PLCD3: variants seen among roughly 807,000 people sequenced by gnomAD.
PLCD3 encodes phospholipase C delta 3.
PLCD3 carries 62 observed loss-of-function variants against 82.8 expected under a neutral mutation model. The observed-to-expected ratio is 0.75, with a 90% CI of 0.61 to 0.93. The LOEUF is 0.93. Among genes scored for constraint, PLCD3 ranks in the 40% least tolerant of loss-of-function variants. The pLI is 0.00. For missense variants in PLCD3, 1,023 were observed against 1,103.4 expected (o/e 0.93, Z 1.03); for synonymous variants, 478 against 471.8 (o/e 1.01, Z -0.17).
rs769061426 is a variant in PLCD3, at chr17:45,121,317, C to A, written c.219G>T (p.Lys73Asn). ...CCTTGTGCCACGTGCGCGAGCGGAT[C>A]TTGCGGAGCCGGGAGCCCCGCAGCA... ...RAMLRGSRLR[K>N]IRSRTWHKER... Residue 73 changes from lysine (K) to asparagine (N), a missense_variant, in exon 2 of 15, where the codon AAG (lysine) becomes AAT (asparagine). By Grantham distance (94) the Lys-to-Asn change is moderately conservative. Around this residue, in one of 3 missense-constraint regions of PLCD3, gnomAD observed 448 missense variants for 406.3 expected, o/e 1.10. Coordinates refer to ENST00000619929, the MANE Select transcript of PLCD3 (RefSeq NM_133373.5). The A allele has an allele frequency of 6.4e-7, 1 of 1,564,430 alleles. No homozygotes were observed. The highest frequency in any genetic ancestry group is 8.6e-7 in the Non-Finnish European group (1 of 1,163,950).
In PLCD3 at chr17:45,121,405, C is replaced by T. The variant is rs1379696517; in HGVS notation, c.164-33G>A. 2.7e-6 allele frequency: 4 copies of T among 1,467,654 alleles called. No homozygotes were observed. The African/African-American group carries it at 4.3e-5, about 16-fold the overall frequency. The allele number at this position is 1,467,654 out of a possible 1,614,324, so 90.9% of individuals were successfully genotyped here. A position where few individuals can be genotyped will look rare whatever the true frequency, so the allele number is the denominator to read the frequency against. On this transcript the variant is annotated intron_variant, in intron 1 of 14. Coordinates refer to ENST00000619929, the MANE Select transcript of PLCD3 (RefSeq NM_133373.5). ...GGCGGGAGGACCCGGGGCGTCAGGCCGTACCTGCCCAGAGGCTCCCCTGCC... is the reference window on the plus strand; with the variant it reads ...GGCGGGAGGACCCGGGGCGTCAGGCTGTACCTGCCCAGAGGCTCCCCTGCC...
At chr17:45,131,485 C>T (rs988896908) in intron 1 of PLCD3, among the ~76,000 whole-genome samples, 16 of 152,238 alleles carry the variant, frequency 1.1e-4, no homozygotes, top group African/African-American at 4.8e-5. Flanking sequence ...GGGGCACCAC[C>T]GGGGTGCCAG....
chr17:45,119,594 C>A (rs1442830874), intron 4 of PLCD3, among the ~76,000 whole-genome samples: 1 of 152,236 alleles, frequency 6.6e-6, no homozygotes, highest in Non-Finnish European at 1.5e-5. Flanking sequence ...GCACCATGAC[C>A]TACCCCAGGA....
In PLCD3 at chr17:45,119,046, G is replaced by T. The variant is rs1361252612; in HGVS notation, c.685-3C>A. 3.1e-6 allele frequency: 5 copies of T among 1,597,310 alleles called. No individual in the cohort carries two copies. The South Asian group carries it at 5.6e-5, about 18-fold the overall frequency. On this transcript the variant is annotated splice_region_variant and splice_polypyrimidine_tract_variant and intron_variant, in intron 4 of 14. Transcript: ENST00000619929. ...TCGTTGTTGGAGTGGTCACACTCCT[G>T]GGGAGCAGCAGGAGAAGCTCAGAGG...
intron 3 of PLCD3, 46 bp from the exon 4 acceptor site, chr17:45,120,500 G>A: frequency 6.2e-7 from 1 of 1,611,832 alleles, no homozygotes; most frequent in African/African-American, 1.3e-5. Context: ...GCTGCCCCCA[G>A]CCCTCAGGTA....
Position 45,132,501 on chromosome 17 carries a change from A to T in PLCD3, c.-91T>A. The T allele has an allele frequency of 1.4e-6, 1 of 706,084 alleles. No individual in the cohort carries two copies. The allele number at this position is 706,084 out of a possible 1,614,324, so 43.7% of individuals were successfully genotyped here. A position where few individuals can be genotyped will look rare whatever the true frequency, so the allele number is the denominator to read the frequency against. ...TCTGGCCCGGCCCCGGCTCTGAGCG[A>T]GGCGGCGAGCGAAGAAACTTAGCGG... On this transcript the variant is annotated 5_prime_UTR_variant, in exon 1 of 15. Coordinates refer to ENST00000619929, the MANE Select transcript of PLCD3 (RefSeq NM_133373.5). The surrounding 1 kb of genome is among the most constrained non-coding windows in gnomAD (Gnocchi z 4.6).
chr17:45,115,675 A>C (rs2054284777), intron 8 of PLCD3, 185 bp from the exon 9 acceptor site: 1 of 593,908 alleles, frequency 1.7e-6, no homozygotes, highest in Non-Finnish European at 3.0e-6. Context: ...GCCATCAGGA[A>C]GGGATGCTTA....
intron 1 of PLCD3, among the ~76,000 whole-genome samples, chr17:45,131,450 G>A (rs1448271960): frequency 6.6e-6 from 1 of 152,244 alleles, no homozygotes; most frequent in Non-Finnish European, 1.5e-5. Flanking sequence ...CCCAGACTCT[G>A]AGAGGGTACC....
Position 45,118,083 on chromosome 17 carries a change from C to T in PLCD3, c.1171G>A (p.Gly391Arg). The T allele has an allele frequency of 6.2e-7, 1 of 1,613,904 alleles. No individual in the cohort carries two copies. Reference protein sequence around the residue: ...VELDCWEGPGGEPVIYHGHTL... With the variant: ...VELDCWEGPGREPVIYHGHTL... ...TGGCCATGATAGATGACGGGCTCCC[C>T]TCCTGGCCCCTCCCAGCAGTCCAGC... The change falls in exon 7 of 15, where the codon GGG (glycine) becomes AGG (arginine). Residue 391 changes from glycine to arginine, a missense_variant. Gly to Arg is a moderately radical substitution (Grantham distance 125). Coordinates refer to ENST00000619929, the MANE Select transcript of PLCD3 (RefSeq NM_133373.5). The surrounding 1 kb of genome is among the most constrained non-coding windows in gnomAD (Gnocchi z 4.1).
At chr17:45,125,025 T>C (rs1387031012) in intron 1 of PLCD3, among the ~76,000 whole-genome samples, 3 of 151,944 alleles carry the variant, frequency 2.0e-5, no homozygotes, top group Non-Finnish European at 4.4e-5. Flanking sequence ...ACCCTGTCTC[T>C]ACAAAAAATA....
intron 1 of PLCD3, among the ~76,000 whole-genome samples, chr17:45,130,248 A>C (rs2054409321): frequency 6.6e-6 from 1 of 152,196 alleles, no homozygotes; most frequent in Non-Finnish European, 1.5e-5. Flanking sequence ...TGAGGTGCCC[A>C]GAGCTCCCGT....
At chr17:45,130,126 A>ATCTCATT in intron 1 of PLCD3, among the ~76,000 whole-genome samples, 1 of 152,024 alleles carries the variant, frequency 6.6e-6, no homozygotes, top group Non-Finnish European at 1.5e-5. Context: ...ACAGACTCGG[A>ATCTCATT]CTCAACATTC....
intron 8 of PLCD3, among the ~76,000 whole-genome samples, chr17:45,116,151 C>T (rs1033643020): frequency 2.0e-5 from 3 of 152,172 alleles, no homozygotes; most frequent in Non-Finnish European, 4.4e-5. Flanking sequence ...TGGAGAGAGC[C>T]GAGGACGCGC....
Position 45,132,323 on chromosome 17 carries a change from C to A in PLCD3, c.88G>T (p.Val30Phe), listed in dbSNP as rs765263872. The change falls in exon 1 of 15, where the codon GTC becomes TTC. Residue 30 changes from valine (V) to phenylalanine (F), a missense_variant. By Grantham distance (50) the Val-to-Phe change is conservative (BLOSUM62 -1). This residue lies in a region of PLCD3 where 448 missense variants were observed against 406.3 expected (regional missense o/e 1.10). Transcript: ENST00000619929. This position sits in a 1 kb window ranked among gnomAD's most constrained non-coding sequence, Gnocchi z 4.6. ...GGAGTCGGCGGGGACGGGAGAGCGA[C>A]CGGCGCCGCGACTTGGGCTGCGACC... ...AQVAAQVAAP[V>F]ALPSPPTPSD... The A allele has an allele frequency of 2.5e-5, 31 of 1,241,400 alleles. No individual in the cohort carries two copies. The African/African-American group carries it at 4.8e-4, about 19-fold the overall frequency. The allele number at this position is 1,241,400 out of a possible 1,614,324, so 76.9% of individuals were successfully genotyped here. A position where few individuals can be genotyped will look rare whatever the true frequency, so the allele number is the denominator to read the frequency against.
At chr17:45,120,767 G>C in intron 3 of PLCD3, 135 bp downstream of exon 3, 1 of 1,140,302 alleles carries the variant, frequency 8.8e-7, no homozygotes, top group Non-Finnish European at 1.2e-6. Flanking sequence ...CGAAGACCAA[G>C]GGCTCCGACC....
At chr17:45,127,003 A>G (rs1021160000) in intron 1 of PLCD3, among the ~76,000 whole-genome samples, 1 of 152,270 alleles carries the variant, frequency 6.6e-6, no homozygotes, top group African/African-American at 2.4e-5. Flanking sequence ...AAAGAAGCAG[A>G]CAGCCAGGTC....
intron 1 of PLCD3, among the ~76,000 whole-genome samples, chr17:45,125,261 G>A (rs761953999): frequency 3.7e-4 from 55 of 148,086 alleles, no homozygotes; most frequent in Non-Finnish European, 5.4e-4. Context: ...CAAGGAGTTC[G>A]AGACCAGCCT....
At chr17:45,119,098 C>A in intron 4 of PLCD3, 55 bp from the exon 5 acceptor site, 1 of 1,400,716 alleles carries the variant, frequency 7.1e-7, no homozygotes, top group Non-Finnish European at 9.8e-7. Flanking sequence ...AAACCTGGCC[C>A]CTTTGACCCA....
chr17:45,132,286 CCG>C lies in PLCD3; in HGVS notation c.123_124del (p.Gly42HisfsTer116). On this transcript the variant is annotated frameshift_variant, in exon 1 of 15. Coordinates refer to ENST00000619929, the MANE Select transcript of PLCD3 (RefSeq NM_133373.5). LOFTEE classifies it high-confidence loss of function. The surrounding 1 kb of genome is among the most constrained non-coding windows in gnomAD (Gnocchi z 4.6). The stretch of plus-strand genomic sequence containing the variant: ...CGCCCGCAGCCCGGGCCTCTTGGTG[CCG>C]CCATCGGAGGGAGTCGGCGGGGACG... 7.9e-7 allele frequency: 1 copy of C among 1,272,878 alleles called. No homozygotes were observed. The highest frequency in any genetic ancestry group is 9.9e-7 in the Non-Finnish European group (1 of 1,008,944). 78.8% of individuals were successfully genotyped at this position (1,272,878 alleles called of 1,614,324 possible).
Sources: allele counts gnomAD v4.1 joint callset (sites outside exome capture counted in the v4.1 genomes callset), GRCh38; gene constraint gnomAD v4.1.1; regional missense constraint gnomAD v4.1.1; non-coding constraint Gnocchi (gnomAD v3.1); transcripts MANE v1.5; gene names NCBI Gene and HGNC (gene_info 2026-07-23, HGNC 2026-07-21).